Variants in TAB2 observed in about 807,000 individuals in gnomAD.
TAB2 encodes the protein TGF-beta activated kinase 1 (MAP3K7) binding protein 2.
TAB2 carries 3 observed loss-of-function variants against 65.0 expected under a neutral mutation model. The ratio of observed to expected loss-of-function variants is 0.05; its 90% CI spans 0.02 to 0.12. TAB2 has a LOEUF of 0.12. Among genes scored for constraint, TAB2 ranks in the 10% least tolerant of loss-of-function variants. The pLI is 1.00. For missense variants in TAB2, 623 were observed against 840.3 expected, an observed-to-expected ratio of 0.74 and a Z score of 3.20; for synonymous variants, 298 against 285.1, an observed-to-expected ratio of 1.05 and a Z score of -0.46.
At position 149,351,705 on chromosome 6, in the gene TAB2, A is replaced by AAAT. The variant is rs199735360; in HGVS notation, c.-89-18202_-89-18200dup. 6.7e-3 allele frequency among the ~76,000 whole-genome samples: 1,022 copies of AAAT among 152,326 alleles called. 8 individuals are homozygous for AAAT. The highest frequency in any genetic ancestry group is 0.023 in the African/African-American group (972 of 41,570). ...ATTTGCCCAAGAAGTTACTGCAAGTAAATAGCATATTAAACTTCATAAACG... is the reference window on the plus strand; with the variant it reads ...ATTTGCCCAAGAAGTTACTGCAAGTAAATAATAGCATATTAAACTTCATAAACG... On this transcript the variant is annotated intron_variant, in intron 1 of 6. Coordinates refer to ENST00000637181, the MANE Select transcript of TAB2 (RefSeq NM_001292034.3).
At chr6:149,310,547 AG>A (rs1439280178) in intron 1 of TAB2, among the ~76,000 whole-genome samples, 1 of 145,556 alleles carries the variant, frequency 6.9e-6, no homozygotes, top group Non-Finnish European at 1.5e-5. Context: ...CTTATGTAAT[AG>A]GCTGGAAAAT....
intron 1 of TAB2, among the ~76,000 whole-genome samples, chr6:149,363,212 G>A (rs1583125409): frequency 6.6e-6 from 1 of 151,110 alleles, no homozygotes; most frequent in African/African-American, 2.4e-5. Flanking sequence ...GAAGTATGGT[G>A]TATATATATA....
chr6:149,378,026 T>A lies in TAB2; in HGVS notation c.111T>A (p.Asn37Lys), dbSNP rs1781462006. The A allele has an allele frequency of 6.2e-7, 1 of 1,613,618 alleles. No homozygotes were observed. The highest frequency in any genetic ancestry group is 8.5e-7 in the Non-Finnish European group (1 of 1,179,726). ...TTATTTTGTTTTCATAGAATAATAA[T>A]AACCTGGATGCCTGCTGTGCTGTTC... is the stretch of plus-strand genomic sequence containing the variant. ...VVSRCMLQNN[N>K]NLDACCAVLS... The change falls in exon 3 of 7, where the codon AAT (asparagine) becomes AAA (lysine). Residue 37 changes from asparagine (N) to lysine (K), a missense_variant. This residue lies in a region of TAB2 where 17 missense variants were observed against 44.2 expected (regional missense o/e 0.38). Coordinates refer to ENST00000637181, the MANE Select transcript of TAB2 (RefSeq NM_001292034.3).
intron 1 of TAB2, among the ~76,000 whole-genome samples, chr6:149,342,381 C>T (rs922525846): frequency 6.6e-6 from 1 of 152,146 alleles, no homozygotes; most frequent in African/African-American, 2.4e-5. Flanking sequence ...GTTAGAGTTA[C>T]TCTGTGGTCT....
At chr6:149,233,645 G>A (rs905683999) in intron 1 of TAB2, among the ~76,000 whole-genome samples, 1 of 152,168 alleles carries the variant, frequency 6.6e-6, no homozygotes, top group Non-Finnish European at 1.5e-5. Context: ...CCCCTAGGAA[G>A]GTTTTCTCCA....
At chr6:149,291,383 A>T (rs1778773849) in intron 1 of TAB2, 1 of 152,252 alleles carries the variant, frequency 6.6e-6, no homozygotes, top group Non-Finnish European at 1.5e-5. Flanking sequence ...CTGTAGTCCC[A>T]GCTACTCCAG....
At chr6:149,314,275 A>G (rs1224647137), upstream of TAB2, among the ~76,000 whole-genome samples, 2 of 152,212 alleles carry the variant, frequency 1.3e-5, no homozygotes, top group African/African-American at 4.8e-5. Context: ...CTGCTAGATT[A>G]TCCTTCCTAA....
At chr6:149,272,666 C>A (rs1259779407) in intron 1 of TAB2, among the ~76,000 whole-genome samples, 4 of 152,168 alleles carry the variant, frequency 2.6e-5, no homozygotes, top group Admixed American at 1.3e-4. Context: ...CTTAATCACA[C>A]CCACAAAGTC....
chr6:149,402,367 T>C (rs572307975), intron 6 of TAB2, among the ~76,000 whole-genome samples: 20 of 151,892 alleles, frequency 1.3e-4, no homozygotes, highest in African/African-American at 1.9e-4. Flanking sequence ...AAAATTGATA[T>C]CACCTATTAA....
chr6:149,376,835 A>G (rs1039329056), intron 2 of TAB2, among the ~76,000 whole-genome samples: 1 of 151,944 alleles, frequency 6.6e-6, no homozygotes, highest in Non-Finnish European at 1.5e-5. Flanking sequence ...ATGATTTATG[A>G]CTACTGGTTA....
intron 1 of TAB2, among the ~76,000 whole-genome samples, chr6:149,337,384 C>G (rs1189866618): frequency 1.3e-5 from 2 of 152,116 alleles, no homozygotes; most frequent in African/African-American, 4.8e-5. Flanking sequence ...GTAGCTTTCT[C>G]CAGACTGCCA....
At chr6:149,322,284 C>T (rs1167383647) in intron 1 of TAB2, among the ~76,000 whole-genome samples, 2 of 151,974 alleles carry the variant, frequency 1.3e-5, no homozygotes, top group Non-Finnish European at 2.9e-5. Context: ...AAAAATAAAA[C>T]GGAAAAGGGA....
intron 3 of TAB2, among the ~76,000 whole-genome samples, chr6:149,381,873 G>C (rs1781621835): frequency 6.6e-6 from 1 of 151,978 alleles, no homozygotes; most frequent in African/African-American, 2.4e-5. Context: ...CACCTGGCCT[G>C]TGACTTCTTA....
intron 1 of TAB2, among the ~76,000 whole-genome samples, chr6:149,249,884 G>A (rs896465144): frequency 6.6e-5 from 10 of 152,182 alleles, no homozygotes; most frequent in African/African-American, 2.4e-4. Context: ...TCTAAGTCCT[G>A]TACCTAAAAT....
chr6:149,254,116 C>A (rs375506451), intron 1 of TAB2, among the ~76,000 whole-genome samples: 10 of 65,654 alleles, frequency 1.5e-4, no homozygotes, highest in Non-Finnish European at 1.9e-4. Context: ...GAAGGAAGGA[C>A]AGGGAAGGGA....
Position 149,361,564 on chromosome 6 carries a change from C to T in TAB2, c.-89-8345C>T, listed in dbSNP as rs73779316. ...GCTGCAAAGATCTCTGAAATGTCTT[C>T]GAGGCCTTTTTCCCATTGTCTTGGC... On this transcript the variant is annotated intron_variant, in intron 1 of 6. Coordinates refer to ENST00000637181, the MANE Select transcript of TAB2 (RefSeq NM_001292034.3). Among the ~76,000 whole-genome samples, 426 of 152,260 alleles carry T rather than the reference C, an allele frequency of 2.8e-3. 3 individuals carry two copies. Among genetic ancestry groups the T allele is most frequent in the African/African-American group, 9.9e-3 (410 of 41,552 alleles).
chr6:149,377,170 C>T (rs1014774830), intron 2 of TAB2, among the ~76,000 whole-genome samples: 1 of 150,864 alleles, frequency 6.6e-6, no homozygotes, highest in East Asian at 2.0e-4. Context: ...CCCAGGTTCA[C>T]GCCATTCTCC....
intron 1 of TAB2, among the ~76,000 whole-genome samples, chr6:149,297,969 T>TG (rs1427145667): frequency 1.3e-5 from 2 of 152,236 alleles, no homozygotes; most frequent in African/African-American, 2.4e-5. Context: ...TTTGATTTTC[T>TG]GGGACAATAC....
At chr6:149,385,110 A>T (rs1781746024) in intron 3 of TAB2, among the ~76,000 whole-genome samples, 1 of 152,194 alleles carries the variant, frequency 6.6e-6, no homozygotes, top group African/African-American at 2.4e-5. Context: ...TATGAGTTGA[A>T]AATTAGCTTC....
Sources: gnomAD v4.1 joint callset for allele counts (sites outside exome capture counted in the v4.1 genomes callset) on GRCh38, gnomAD v4.1.1 for gene constraint, gnomAD v4.1.1 regional missense constraint, MANE v1.5 for transcripts, NCBI Gene and HGNC (gene_info 2026-07-23, HGNC 2026-07-21) for gene names.